The following TRIO variants were observed in gnomAD, a reference collection of about 807,000 sequenced individuals.
The protein encoded by TRIO is triple functional domain protein.
Under a neutral mutation model 351.9 loss-of-function variants are expected in TRIO, and 58 were observed. The ratio of observed to expected loss-of-function variants is 0.16; its 90% CI spans 0.13 to 0.21. TRIO has a LOEUF of 0.21. Ranked by LOEUF, TRIO falls within the 10% of genes least tolerant of loss-of-function variation. The pLI is 1.00. For synonymous variants in TRIO, 1,758 were observed against 1,595.7 expected, an observed-to-expected ratio of 1.10 and a Z score of -2.42; for missense variants, 3,201 against 4,027.8, an observed-to-expected ratio of 0.79 and a Z score of 5.56.
At chr5:14,504,964 G>C (rs932947294) in intron 55 of TRIO, among the ~76,000 whole-genome samples, 2 of 151,922 alleles carry the variant, frequency 1.3e-5, no homozygotes, top group African/African-American at 4.8e-5. Context: ...CCCCAAGCCT[G>C]TGCAGGGCCA....
intron 8 of TRIO, among the ~76,000 whole-genome samples, chr5:14,305,074 C>T (rs1738241804): frequency 5.9e-5 from 9 of 152,190 alleles, no homozygotes; most frequent in Admixed American, 5.2e-4. Flanking sequence ...TTTTCTGCCA[C>T]CTTCTATGCC....
chr5:14,483,288 G>A (rs1318271353), intron 46 of TRIO, among the ~76,000 whole-genome samples: 2 of 152,180 alleles, frequency 1.3e-5, no homozygotes, highest in East Asian at 3.9e-4. Context: ...ATTGCCAATG[G>A]CCCTCAAGTC....
At position 14,348,947 on chromosome 5, in the gene TRIO, TAC is replaced by T. The variant is rs896650214; in HGVS notation, c.2047-9226_2047-9225del. On this transcript the variant is annotated intron_variant, in intron 11 of 56. Coordinates refer to ENST00000344204, the MANE Select transcript of TRIO (RefSeq NM_007118.4). ...AGCATGTGTTTTTCCTGTATGTGTG[TAC>T]ACACGTGAGCATGTGTGTTTTTCCT... Among the ~76,000 whole-genome samples, 7 of 151,928 alleles carry T rather than the reference TAC, an allele frequency of 4.6e-5. No individual in the cohort carries two copies. In the South Asian group the frequency reaches 1.5e-3, roughly 32 times the overall value.
chr5:14,351,327 T>TGAAAC (rs1471767060), intron 11 of TRIO, among the ~76,000 whole-genome samples: 1 of 152,254 alleles, frequency 6.6e-6, no homozygotes, highest in African/African-American at 2.4e-5. Flanking sequence ...TTTTTATACC[T>TGAAAC]GAAACTGTGT....
intron 8 of TRIO, among the ~76,000 whole-genome samples, chr5:14,311,832 A>G (rs975635499): frequency 5.3e-5 from 8 of 152,218 alleles, no homozygotes; most frequent in Non-Finnish European, 1.0e-4. Flanking sequence ...TTCATTTCAT[A>G]AAAGTTTTGA....
intron 48 of TRIO, 174 bp downstream of exon 48, chr5:14,488,434 A>C: frequency 2.2e-6 from 2 of 892,948 alleles, no homozygotes; most frequent in Non-Finnish European, 3.3e-6. Context: ...GGCGCTACTA[A>C]CTACTCCTTG....
At chr5:14,421,392 T>A (rs1171186969) in intron 34 of TRIO, among the ~76,000 whole-genome samples, 1 of 151,036 alleles carries the variant, frequency 6.6e-6, no homozygotes, top group Non-Finnish European at 1.5e-5. Context: ...TTACCTGAGG[T>A]CAAAAGTTCG....
chr5:14,324,554 T>C (rs1740197740), intron 9 of TRIO, among the ~76,000 whole-genome samples: 1 of 152,258 alleles, frequency 6.6e-6, no homozygotes, highest in Non-Finnish European at 1.5e-5. Flanking sequence ...GTAGCAATTC[T>C]AGAGATGAAA....
At chr5:14,457,343 G>C (rs1025491337) in intron 34 of TRIO, among the ~76,000 whole-genome samples, 5 of 130,596 alleles carry the variant, frequency 3.8e-5, no homozygotes, top group African/African-American at 1.1e-4. Context: ...CTGTGGCACC[G>C]ATGAGCTCCC....
intron 45 of TRIO, 153 bp downstream of exon 45, chr5:14,481,771 CT>C (rs34046917): frequency 0.074 from 13,871 of 188,020 alleles, 18 homozygotes; most frequent in South Asian, 0.12. Flanking sequence ...ATTTTATTTC[CT>C]TTTTTTTTTT....
intron 35 of TRIO, among the ~76,000 whole-genome samples, chr5:14,462,445 G>A (rs1334037344): frequency 6.6e-6 from 1 of 152,196 alleles, no homozygotes; most frequent in Non-Finnish European, 1.5e-5. Context: ...GAGGGTTGTA[G>A]CTCAAATTTT....
At chr5:14,351,871 T>G (rs1410356188) in intron 11 of TRIO, among the ~76,000 whole-genome samples, 1 of 152,248 alleles carries the variant, frequency 6.6e-6, no homozygotes, top group Admixed American at 6.5e-5. Context: ...GATCCTACTT[T>G]CGACTTAACT....
chr5:14,502,503 C>CA, intron 53 of TRIO, 76 bp from the exon 54 acceptor site: 4 of 1,464,500 alleles, frequency 2.7e-6, no homozygotes, highest in Non-Finnish European at 3.8e-6. Flanking sequence ...CTGTGAGGGA[C>CA]AGTGCGTGGC....
At chr5:14,388,088 G>T in intron 23 of TRIO, 1 of 515,602 alleles carries the variant, frequency 1.9e-6, no homozygotes, top group South Asian at 2.9e-5. Flanking sequence ...TTGATGAATT[G>T]TCATTAATAG....
intron 48 of TRIO, among the ~76,000 whole-genome samples, chr5:14,489,867 A>G (rs1167964626): frequency 6.6e-6 from 1 of 152,148 alleles, no homozygotes; most frequent in East Asian, 1.9e-4. Context: ...ACTTGTTCTC[A>G]TGTGGCAGGG....
At chr5:14,283,941 T>C (rs905078264) in intron 3 of TRIO, among the ~76,000 whole-genome samples, 1 of 149,000 alleles carries the variant, frequency 6.7e-6, no homozygotes, top group Non-Finnish European at 1.5e-5. Context: ...TGGCTGTTGC[T>C]TTTATTACTT....
chr5:14,389,448 A>G (rs1471407048), intron 25 of TRIO, 50 bp downstream of exon 25: 2 of 1,338,680 alleles, frequency 1.5e-6, no homozygotes, highest in Admixed American at 4.0e-5. Flanking sequence ...CCATGTGCTG[A>G]AGTTTCATCA....
intron 1 of TRIO, among the ~76,000 whole-genome samples, chr5:14,258,924 G>C (rs1160953987): frequency 1.3e-5 from 2 of 152,212 alleles, no homozygotes; most frequent in East Asian, 3.9e-4. Context: ...TGGGTGGTGG[G>C]CTGCAGGGCA....
intron 21 of TRIO, among the ~76,000 whole-genome samples, chr5:14,385,569 G>A (rs1358974379): frequency 1.3e-5 from 2 of 152,156 alleles, no homozygotes; most frequent in East Asian, 1.9e-4. Context: ...ATACATTTGC[G>A]CACTTGCTTG....
Sources: allele counts gnomAD v4.1 joint callset (sites outside exome capture counted in the v4.1 genomes callset), GRCh38; gene constraint gnomAD v4.1.1; transcripts MANE v1.5; gene names NCBI Gene and HGNC (gene_info 2026-07-23, HGNC 2026-07-21).